Variants in TRPC5 observed in about 807,000 individuals in gnomAD.
TRPC5 encodes short transient receptor potential channel 5.
In TRPC5, 9 loss-of-function variants were observed where a neutral mutation model predicts 56.5. The ratio of observed to expected loss-of-function variants is 0.16; its 90% CI spans 0.10 to 0.28. TRPC5 has a LOEUF of 0.28. Among genes scored for constraint, TRPC5 ranks in the 10% least tolerant of loss-of-function variants. The pLI is 1.00. For synonymous variants in TRPC5, 282 were observed against 278.5 expected, an observed-to-expected ratio of 1.01 and a Z score of -0.13; for missense variants, 469 against 748.9, an observed-to-expected ratio of 0.63 and a Z score of 4.36.
intron 7 of TRPC5, among the ~76,000 whole-genome samples, chrX:111,805,214 G>A (rs1475312333): frequency 1.8e-5 from 2 of 112,032 alleles, no homozygotes; most frequent in Admixed American, 9.5e-5. Flanking sequence ...CTTGATCGTG[G>A]TGGATAAGCT....
At chrX:112,015,424 A>G (rs1435480421) in intron 1 of TRPC5, among the ~76,000 whole-genome samples, 1 of 109,390 alleles carries the variant, frequency 9.1e-6, no homozygotes, top group Non-Finnish European at 1.9e-5. Context: ...TTGCTTTCTT[A>G]CCTAGGCTGG....
In TRPC5 at chrX:111,859,696, C is replaced by T. The variant is rs1368897643; in HGVS notation, c.901-5590G>A. ...AAATCCTGTACAGGGACTATGTACA[C>T]AAAATATGAGGCCAGTTTCCAAGGG... On this transcript the variant is annotated intron_variant, in intron 3 of 10. Transcript: ENST00000262839. Among the ~76,000 whole-genome samples, 5 of 111,882 alleles carry T rather than the reference C, an allele frequency of 4.5e-5. No individual in the cohort carries two copies. The East Asian group carries it at 1.4e-3, about 31-fold the overall frequency.
intron 1 of TRPC5, among the ~76,000 whole-genome samples, chrX:112,004,278 G>A (rs777316404): frequency 1.1e-4 from 12 of 109,081 alleles, no homozygotes; most frequent in Non-Finnish European, 2.3e-4. Context: ...GAGGGCATAA[G>A]AGTCTGGCTG....
intron 1 of TRPC5, among the ~76,000 whole-genome samples, chrX:111,993,537 A>G (rs1450779376): frequency 7.6e-4 from 85 of 111,986 alleles, no homozygotes; most frequent in South Asian, 7.6e-4. Flanking sequence ...AAGCATTCCT[A>G]TTTCTCCACA....
chrX:111,860,187 C>G (rs1371486030), intron 3 of TRPC5, among the ~76,000 whole-genome samples: 4 of 112,733 alleles, frequency 3.5e-5, no homozygotes, highest in Non-Finnish European at 7.5e-5. Flanking sequence ...GGATTACAGG[C>G]GTGAGCCACT....
intron 1 of TRPC5, among the ~76,000 whole-genome samples, chrX:112,013,592 G>C (rs1272470307): frequency 4.5e-5 from 5 of 111,487 alleles, no homozygotes; most frequent in Admixed American, 2.0e-4. Context: ...CTAGTTCAAA[G>C]GCAGAGGCAG....
At chrX:111,935,377 T>C (rs746354544) in intron 2 of TRPC5, among the ~76,000 whole-genome samples, 84 of 112,166 alleles carry the variant, frequency 7.5e-4, no homozygotes, top group Middle Eastern at 4.6e-3. Context: ...TAATCTGTTG[T>C]CAGATGAATA....
chrX:111,969,671 T>G (rs1035682962), intron 1 of TRPC5, among the ~76,000 whole-genome samples: 2 of 111,190 alleles, frequency 1.8e-5, no homozygotes, highest in Non-Finnish European at 3.8e-5. Context: ...AGGAGAAAAC[T>G]TTTATTATAT....
intron 3 of TRPC5, chrX:111,902,965 A>G (rs1177933368): frequency 8.9e-6 from 1 of 112,122 alleles, no homozygotes; most frequent in Non-Finnish European, 1.9e-5. Flanking sequence ...TACAAGGACT[A>G]TTCACCAATG....
chrX:112,074,114 A>G (rs747463482), intron 1 of TRPC5, among the ~76,000 whole-genome samples: 2 of 110,737 alleles, frequency 1.8e-5, no homozygotes, highest in African/African-American at 6.6e-5. Flanking sequence ...CTTTTCATAG[A>G]AGAGAAAACT....
intron 3 of TRPC5, among the ~76,000 whole-genome samples, chrX:111,901,219 G>A (rs768564826): frequency 1.4e-4 from 16 of 111,554 alleles, no homozygotes; most frequent in Admixed American, 4.8e-4. Context: ...GATATAAATG[G>A]CAATGAGGCA....
At chrX:111,952,680 C>T (rs1330466981) in intron 1 of TRPC5, among the ~76,000 whole-genome samples, 2 of 111,090 alleles carry the variant, frequency 1.8e-5, no homozygotes, top group Non-Finnish European at 3.8e-5. Flanking sequence ...GTAAGTTACT[C>T]AAGCCCTCTG....
intron 1 of TRPC5, among the ~76,000 whole-genome samples, chrX:112,068,397 G>A (rs186219245): frequency 4.3e-4 from 48 of 112,670 alleles, no homozygotes; most frequent in Middle Eastern, 9.3e-3. Flanking sequence ...TTTTGAACAA[G>A]GGCTGAAGCT....
intron 7 of TRPC5, among the ~76,000 whole-genome samples, chrX:111,797,877 C>T (rs1921158031): frequency 9.0e-6 from 1 of 111,338 alleles, no homozygotes; most frequent in Non-Finnish European, 1.9e-5. Context: ...TTAAAATTTA[C>T]ATTTCAAGAG....
intron 1 of TRPC5, among the ~76,000 whole-genome samples, chrX:112,078,924 C>CT (rs1930899570): frequency 9.0e-6 from 1 of 111,583 alleles, no homozygotes; most frequent in Non-Finnish European, 1.9e-5. Context: ...GATATGTCAG[C>CT]TACTAGGCTC....
intron 2 of TRPC5, among the ~76,000 whole-genome samples, chrX:111,914,433 A>T (rs17222608): frequency 2.7e-5 from 3 of 111,811 alleles, no homozygotes; most frequent in Non-Finnish European, 5.6e-5. Context: ...CAAAGGGATG[A>T]GTTAACTGTT....
intron 3 of TRPC5, 87 bp downstream of exon 3, chrX:111,912,204 A>G: frequency 1.9e-6 from 2 of 1,051,235 alleles, no homozygotes; most frequent in Non-Finnish European, 2.5e-6. Context: ...AGGGGGCTAA[A>G]TGGTAGAAAA....
intron 7 of TRPC5, among the ~76,000 whole-genome samples, chrX:111,829,748 C>T (rs1922354157): frequency 8.8e-6 from 1 of 113,054 alleles, no homozygotes; most frequent in African/African-American, 3.2e-5. Context: ...GAACCTCCAC[C>T]TAGATTTCAG....
At chrX:111,780,093 T>G (rs973470213) in intron 9 of TRPC5, among the ~76,000 whole-genome samples, 2 of 111,794 alleles carry the variant, frequency 1.8e-5, no homozygotes, top group African/African-American at 6.5e-5. Flanking sequence ...AAGTGACCTA[T>G]AGAATAAGGA....
Sources: allele counts gnomAD v4.1 joint callset (sites outside exome capture counted in the v4.1 genomes callset), GRCh38; gene constraint gnomAD v4.1.1; transcripts MANE v1.5; gene names NCBI Gene and HGNC (gene_info 2026-07-23, HGNC 2026-07-21).